Variants in SOS1 observed in about 807,000 individuals in gnomAD.
SOS1 encodes the protein SOS Ras/Rac guanine nucleotide exchange factor 1, also known as son of sevenless homolog 1.
In SOS1, 25 loss-of-function variants were observed where a neutral mutation model predicts 157.6. That is an observed-to-expected ratio of 0.16 (90% CI 0.12 to 0.22). SOS1 has a LOEUF of 0.22. Among genes scored for constraint, SOS1 ranks in the 10% least tolerant of loss-of-function variants. The pLI, the probability that SOS1 is intolerant of heterozygous loss-of-function variation, is 1.00. For missense variants in SOS1, 1,237 were observed against 1,599.1 expected (o/e 0.77, Z 3.86); for synonymous variants, 528 against 534.0 (o/e 0.99, Z 0.16).
At chr2:39,045,981 G>C (rs1411445694) in intron 6 of SOS1, among the ~76,000 whole-genome samples, 1 of 152,098 alleles carries the variant, frequency 6.6e-6, no homozygotes, top group Non-Finnish European at 1.5e-5. Flanking sequence ...CAAAGTGCTG[G>C]AATTACAGGC....
At chr2:39,095,209 C>T (rs1042197053) in intron 1 of SOS1, among the ~76,000 whole-genome samples, 1 of 152,156 alleles carries the variant, frequency 6.6e-6, no homozygotes, top group Non-Finnish European at 1.5e-5. Flanking sequence ...TCAACTCCAC[C>T]CTCCAGTAGA....
chr2:39,080,173 T>C (rs1040783564), intron 1 of SOS1, among the ~76,000 whole-genome samples: 1 of 151,774 alleles, frequency 6.6e-6, no homozygotes, highest in African/African-American at 2.4e-5. Flanking sequence ...TGCAACTAGA[T>C]GGTCCCATAT....
intron 17 of SOS1, among the ~76,000 whole-genome samples, chr2:39,002,293 C>T (rs1572811513): frequency 1.3e-5 from 2 of 151,992 alleles, no homozygotes; most frequent in South Asian, 4.2e-4. Flanking sequence ...CCATTACACT[C>T]CAGCCTGGGC....
At position 39,080,954 on chromosome 2, in the gene SOS1, G is replaced by A. The variant is rs535926330; in HGVS notation, c.88-13201C>T. On this transcript the variant is annotated intron_variant, in intron 1 of 22. Transcript: ENST00000402219. Reference sequence around the variant, plus strand: ...TAATACCAGCACTTTGGAAGGCTGAGGCAGGTGTATTGCTTGAGCCTAGGA... The same window carrying A: ...TAATACCAGCACTTTGGAAGGCTGAAGCAGGTGTATTGCTTGAGCCTAGGA... Among the ~76,000 whole-genome samples the A allele has an allele frequency of 3.3e-5, 5 of 152,218 alleles. No homozygotes were observed. In the South Asian group the frequency reaches 1.0e-3, roughly 32 times the overall value.
intron 16 of SOS1, 93 bp from the exon 17 acceptor site, chr2:39,006,622 A>C: frequency 1.3e-6 from 1 of 749,806 alleles, no homozygotes; most frequent in Non-Finnish European, 2.4e-6. Flanking sequence ...CAAATACAAC[A>C]GTATCAATTT....
rs142507281 is a variant in SOS1 at position 39,025,558 on chromosome 2, C to T, written c.1075-1421G>A. On this transcript the variant is annotated intron_variant, in intron 8 of 22. Transcript: ENST00000402219. Reference sequence around the variant, plus strand: ...TACTTCTAGTAGAGACAAGTTTTCACCATGTTAGCCAGGCTGGTCTCAAAC... The same window carrying T: ...TACTTCTAGTAGAGACAAGTTTTCATCATGTTAGCCAGGCTGGTCTCAAAC... Among the ~76,000 whole-genome samples, 1,110 of 151,568 alleles carry T rather than the reference C, an allele frequency of 7.3e-3. 8 individuals are homozygous for T. The highest frequency in any genetic ancestry group is 0.014 in the Middle Eastern group (4 of 294).
chr2:39,053,437 T>C (rs1671091892), intron 5 of SOS1, among the ~76,000 whole-genome samples: 1 of 152,210 alleles, frequency 6.6e-6, no homozygotes, highest in South Asian at 2.1e-4. Context: ...CCTTTGCCTC[T>C]TCTTTACTTT....
chr2:39,089,116 C>CA (rs1672486510), intron 1 of SOS1, among the ~76,000 whole-genome samples: 1 of 152,158 alleles, frequency 6.6e-6, no homozygotes. Flanking sequence ...GTGATACTGA[C>CA]AGAGTGGCCA....
chr2:38,987,094 A>G (rs893988224), intron 22 of SOS1, among the ~76,000 whole-genome samples: 5 of 152,202 alleles, frequency 3.3e-5, no homozygotes, highest in Admixed American at 2.6e-4. Flanking sequence ...AAGGGCTCAG[A>G]TAAGTAAATT....
intron 1 of SOS1, among the ~76,000 whole-genome samples, chr2:39,077,199 T>C (rs1007376385): frequency 6.6e-6 from 1 of 151,700 alleles, no homozygotes; most frequent in Non-Finnish European, 1.5e-5. Flanking sequence ...AAAAATTAAC[T>C]GGGTGTGGTG....
chr2:39,103,110 A>T (rs1673034665), intron 1 of SOS1, among the ~76,000 whole-genome samples: 1 of 152,184 alleles, frequency 6.6e-6, no homozygotes, highest in South Asian at 2.1e-4. Context: ...TTAACCAAGG[A>T]GGTGAGTTTT....
At chr2:39,110,624 G>A (rs1673389969) in intron 1 of SOS1, among the ~76,000 whole-genome samples, 1 of 151,716 alleles carries the variant, frequency 6.6e-6, no homozygotes, top group Admixed American at 6.6e-5. Flanking sequence ...AAAAATAAAT[G>A]TATTTCAATT....
intron 1 of SOS1, among the ~76,000 whole-genome samples, chr2:39,092,368 C>T (rs147761306): frequency 1.3e-5 from 2 of 152,230 alleles, no homozygotes; most frequent in African/African-American, 4.8e-5. Flanking sequence ...GGGTGCTCCT[C>T]CACCAGATTT....
intron 1 of SOS1, among the ~76,000 whole-genome samples, chr2:39,083,111 T>C (rs1372920124): frequency 6.6e-6 from 1 of 152,176 alleles, no homozygotes; most frequent in Non-Finnish European, 1.5e-5. Flanking sequence ...ATTACATTTC[T>C]AGAGCAATGT....
Position 39,056,962 on chromosome 2 carries a change from C to T in SOS1, c.346-96G>A. The T allele has an allele frequency of 2.2e-6, 2 of 902,186 alleles. 1 individual carries two copies. The highest frequency in any genetic ancestry group is 3.3e-5 in the African/African-American group (2 of 60,400). The allele number at this position is 902,186 out of a possible 1,614,324, so 55.9% of individuals were successfully genotyped here. A position where few individuals can be genotyped will look rare whatever the true frequency, so the allele number is the denominator to read the frequency against. On this transcript the variant is annotated intron_variant, in intron 3 of 22. Transcript: ENST00000402219. Reference sequence around the variant, plus strand: ...AAACATATTTGCACCTTAACTTACACTTTTTTTCCTGAGGCCTGTGCTTAC... The same window carrying T: ...AAACATATTTGCACCTTAACTTACATTTTTTTTCCTGAGGCCTGTGCTTAC...
At chr2:39,122,007 A>G (rs1186303182), upstream of SOS1, among the ~76,000 whole-genome samples, 2 of 152,260 alleles carry the variant, frequency 1.3e-5, no homozygotes, top group African/African-American at 4.8e-5. Flanking sequence ...GTTAAAGCTG[A>G]CATTGTGTCC....
chr2:39,071,461 A>G (rs1671790677), intron 1 of SOS1, among the ~76,000 whole-genome samples: 1 of 152,228 alleles, frequency 6.6e-6, no homozygotes, highest in Non-Finnish European at 1.5e-5. Context: ...AATCTTTACA[A>G]TTTGAAAAGG....
intron 1 of SOS1, among the ~76,000 whole-genome samples, chr2:39,100,402 A>T (rs1015192381): frequency 2.0e-5 from 3 of 152,216 alleles, no homozygotes; most frequent in Non-Finnish European, 4.4e-5. Context: ...TTATGGAAAC[A>T]ATGTGTCAAC....
At chr2:39,027,793 A>G (rs72799448) in intron 8 of SOS1, among the ~76,000 whole-genome samples, 28,514 of 152,012 alleles carry the variant, frequency 0.19, 3,417 homozygotes, top group Non-Finnish European at 0.27. Context: ...TTACCATATG[A>G]GATTGTACTT....
Sources: gnomAD v4.1 joint callset for allele counts (sites outside exome capture counted in the v4.1 genomes callset) on GRCh38, gnomAD v4.1.1 for gene constraint, MANE v1.5 for transcripts, NCBI Gene and HGNC (gene_info 2026-07-23, HGNC 2026-07-21) for gene names.